The following EIPR1 variants were observed in gnomAD, a reference collection of about 807,000 sequenced individuals.
EIPR1 encodes the protein EARP and GARP complex-interacting protein 1.
Under a neutral mutation model 48.1 loss-of-function variants are expected in EIPR1, and 25 were observed. The observed-to-expected ratio is 0.52, with a 90% confidence interval of 0.38 to 0.73. EIPR1 has a LOEUF of 0.73. EIPR1 is among the 30% of genes least tolerant of loss of function. The pLI is 0.00. For synonymous variants in EIPR1, 204 were observed against 201.9 expected (o/e 1.01, Z -0.09); for missense variants, 415 against 506.2 (o/e 0.82, Z 1.73).
intron 5 of EIPR1, among the ~76,000 whole-genome samples, chr2:3,199,156 G>C (rs561383075): frequency 6.7e-6 from 1 of 148,532 alleles, no homozygotes; most frequent in South Asian, 2.1e-4. Context: ...TATCTTATCC[G>C]TTTTGGTAAT....
chr2:3,278,946 C>T (rs1041005115), intron 3 of EIPR1, among the ~76,000 whole-genome samples: 7 of 152,186 alleles, frequency 4.6e-5, no homozygotes, highest in African/African-American at 7.2e-5. Flanking sequence ...TTGGTTGATA[C>T]GTGAGTTCAC....
chr2:3,262,024 A>T (rs1440948084), intron 3 of EIPR1: 2 of 152,258 alleles, frequency 1.3e-5, no homozygotes, highest in African/African-American at 4.8e-5. Context: ...TCTAAGCTCA[A>T]CAAAGCAGGA....
chr2:3,293,918 C>T (rs1558278906), intron 3 of EIPR1, among the ~76,000 whole-genome samples: 1 of 152,142 alleles, frequency 6.6e-6, no homozygotes, highest in Non-Finnish European at 1.5e-5. Flanking sequence ...AAAGATTTTT[C>T]TTCCTTAAAT....
At chr2:3,198,594 G>T (rs1409640490) in intron 5 of EIPR1, among the ~76,000 whole-genome samples, 2 of 152,182 alleles carry the variant, frequency 1.3e-5, no homozygotes, top group South Asian at 2.1e-4. Context: ...TGTGTCGGTC[G>T]GTCTGAGAAA....
At chr2:3,269,770 T>C (rs1402595563) in intron 3 of EIPR1, among the ~76,000 whole-genome samples, 1 of 152,200 alleles carries the variant, frequency 6.6e-6, no homozygotes, top group Non-Finnish European at 1.5e-5. Context: ...TCTCGCTTCG[T>C]CCAAACAAAA....
intron 3 of EIPR1, among the ~76,000 whole-genome samples, chr2:3,302,241 A>G (rs976832883): frequency 6.6e-6 from 1 of 152,172 alleles, no homozygotes; most frequent in African/African-American, 2.4e-5. Flanking sequence ...CTCTGGGCCA[A>G]TGTCTAATGA....
In EIPR1 at chr2:3,194,273, G is replaced by T. The variant is rs1664718579; in HGVS notation, c.654-107C>A. ...TCCCGGGACCCTGTCTAATCCCCCG[G>T]CCCAGGGTGCTCTCATCCCCTCGGC... is the stretch of plus-strand genomic sequence containing the variant. On this transcript the variant is annotated intron_variant, in intron 6 of 8. Coordinates refer to ENST00000382125, the MANE Select transcript of EIPR1 (RefSeq NM_003310.5). 3.6e-6 allele frequency: 5 copies of T among 1,405,660 alleles called. No individual in the cohort carries two copies. In the Admixed American group the frequency reaches 9.9e-5, roughly 28 times the overall value. The allele number at this position is 1,405,660 out of a possible 1,614,324, so 87.1% of individuals were successfully genotyped here.
chr2:3,208,482 AG>A (rs915596183), intron 5 of EIPR1: 3 of 1,515,060 alleles, frequency 2.0e-6, no homozygotes, highest in East Asian at 2.5e-5. Context: ...GTCAGTTGGG[AG>A]GGGGCCCAAT....
intron 2 of EIPR1, among the ~76,000 whole-genome samples, chr2:3,343,327 T>TAA (rs1044266892): frequency 8.5e-5 from 13 of 152,110 alleles, no homozygotes; most frequent in Non-Finnish European, 1.6e-4. Flanking sequence ...TTTTGTTGAA[T>TAA]AAACATACGC....
At chr2:3,276,943 T>C (rs1325506391) in intron 3 of EIPR1, among the ~76,000 whole-genome samples, 4 of 152,236 alleles carry the variant, frequency 2.6e-5, no homozygotes, top group Non-Finnish European at 5.9e-5. Context: ...TTTTGAGTAA[T>C]GCCTTAAACC....
At chr2:3,233,209 C>CT (rs148239962) in intron 4 of EIPR1, among the ~76,000 whole-genome samples, 7,344 of 148,412 alleles carry the variant, frequency 0.049, 223 homozygotes, top group African/African-American at 0.089. Flanking sequence ...CTGCAACTTG[C>CT]TTTTTTTTTT....
intron 4 of EIPR1, among the ~76,000 whole-genome samples, chr2:3,223,935 C>G (rs1665978161): frequency 6.6e-6 from 1 of 152,206 alleles, no homozygotes; most frequent in Admixed American, 6.5e-5. Flanking sequence ...CCCACCTCTT[C>G]CAACCAAGAG....
At chr2:3,350,033 G>T (rs142050013) in intron 2 of EIPR1, among the ~76,000 whole-genome samples, 3 of 141,146 alleles carry the variant, frequency 2.1e-5, no homozygotes, top group East Asian at 4.6e-4. Flanking sequence ...CAGGAGAATC[G>T]CTTGAACCTG....
rs115655440 is a variant in EIPR1, at chr2:3,271,187, C to T, written c.260-13732G>A. On this transcript the variant is annotated intron_variant, in intron 3 of 8. Transcript: ENST00000382125. ...AATTCAAGTTCTCTTGCTATTTCTA[C>T]CACAACTGCAGTTACTTTCTCCATG... 7.1e-3 allele frequency among the ~76,000 whole-genome samples: 1,086 copies of T among 152,312 alleles called. 14 individuals carry two copies. The highest frequency in any genetic ancestry group is 0.025 in the African/African-American group (1,050 of 41,564).
intron 3 of EIPR1, among the ~76,000 whole-genome samples, chr2:3,336,741 C>T (rs552905189): frequency 2.1e-5 from 3 of 145,698 alleles, no homozygotes; most frequent in East Asian, 2.0e-4. Context: ...GCACTCCAGC[C>T]TGGGCGACAG....
chr2:3,348,490 C>T (rs972174596), intron 2 of EIPR1, among the ~76,000 whole-genome samples: 1 of 152,126 alleles, frequency 6.6e-6, no homozygotes, highest in Non-Finnish European at 1.5e-5. Context: ...ATCACACCCC[C>T]CAGGAAGAAC....
chr2:3,260,507 AAGGGAGGGAGGG>A (rs544255402), intron 3 of EIPR1, among the ~76,000 whole-genome samples: 10 of 49,096 alleles, frequency 2.0e-4, no homozygotes, highest in Non-Finnish European at 3.0e-4. Flanking sequence ...TGAAGGAAGG[AAGGGAGGGAGGG>A]AGGGAGGGAG....
chr2:3,321,082 A>C (rs1238605681), intron 3 of EIPR1, among the ~76,000 whole-genome samples: 5 of 152,224 alleles, frequency 3.3e-5, no homozygotes, highest in Non-Finnish European at 5.9e-5. Context: ...CACCTGAAGC[A>C]TGCTGCTGAG....
At chr2:3,329,822 C>A (rs1294914566) in intron 3 of EIPR1, among the ~76,000 whole-genome samples, 2 of 151,434 alleles carry the variant, frequency 1.3e-5, no homozygotes, top group African/African-American at 4.9e-5. Context: ...AGGGTGCCAG[C>A]CTGGGCTCCC....
Sources: allele counts gnomAD v4.1 joint callset (sites outside exome capture counted in the v4.1 genomes callset), GRCh38; gene constraint gnomAD v4.1.1; transcripts MANE v1.5; gene names NCBI Gene and HGNC (gene_info 2026-07-23, HGNC 2026-07-21).